Variants in PSMA1 observed in about 807,000 individuals in gnomAD.
PSMA1 encodes proteasome 20S subunit alpha 1, also known as proteasome subunit alpha type-1.
PSMA1 carries 3 observed loss-of-function variants against 38.4 expected under a neutral mutation model. The observed-to-expected ratio is 0.08, with a 90% confidence interval of 0.04 to 0.20. PSMA1 has a LOEUF of 0.20. Among genes scored for constraint, PSMA1 ranks in the 10% least tolerant of loss-of-function variants. PSMA1 has a pLI of 1.00. For synonymous variants in PSMA1, 101 were observed against 107.1 expected, an observed-to-expected ratio of 0.94 and a Z score of 0.35; for missense variants, 227 against 325.3, an observed-to-expected ratio of 0.70 and a Z score of 2.32.
intron 2 of PSMA1, among the ~76,000 whole-genome samples, chr11:14,595,956 T>C (rs915983371): frequency 6.6e-5 from 10 of 152,142 alleles, no homozygotes; most frequent in Admixed American, 1.3e-4. Context: ...CAGCTTTCTA[T>C]ATATGGCTAG....
chr11:14,565,013 A>C (rs572469508), intron 2 of PSMA1, among the ~76,000 whole-genome samples: 1 of 152,244 alleles, frequency 6.6e-6, no homozygotes, highest in South Asian at 2.1e-4. Context: ...TCCTGGGCTC[A>C]AGTAATCCTC....
chr11:14,617,873 A>G (rs969028765), intron 1 of PSMA1, among the ~76,000 whole-genome samples: 3 of 152,142 alleles, frequency 2.0e-5, no homozygotes, highest in African/African-American at 7.2e-5. Context: ...TTCCTTGCCT[A>G]GGAGAGAGAA....
intron 2 of PSMA1, among the ~76,000 whole-genome samples, chr11:14,601,692 T>C (rs1852582287): frequency 6.6e-6 from 1 of 152,120 alleles, no homozygotes; most frequent in Non-Finnish European, 1.5e-5. Flanking sequence ...ATAGATGCCT[T>C]AAGAAGCAAA....
rs1435506179 is a variant in PSMA1 at position 14,517,903 on chromosome 11, G to C, written c.127C>G (p.His43Asp). ...SATVGLKSKT[H>D]AVLVALKRAQ... is the part of the protein sequence containing the mutation. ...ACTTTCAATGCAACCAAAACTGCAT[G>C]AGTTTTTGATTTCAGACCAACTGTG... is the stretch of plus-strand genomic sequence containing the variant. The change falls in exon 3 of 10, where the codon CAT becomes GAT. Residue 43 changes from histidine to aspartate, a missense_variant. Transcript: ENST00000396394. 4.4e-6 allele frequency: 7 copies of C among 1,607,096 alleles called. No homozygotes were observed. The Admixed American group carries it at 6.8e-5, about 16-fold the overall frequency.
Position 14,591,123 on chromosome 11 carries a change from G to A in PSMA1, c.21+19843C>T, listed in dbSNP as rs770680064. Among the ~76,000 whole-genome samples, 23 of 152,346 alleles carry A rather than the reference G, an allele frequency of 1.5e-4. No homozygotes were observed. The Middle Eastern group carries it at 0.01, about 68-fold the overall frequency. The stretch of plus-strand genomic sequence containing the variant: ...GCTTGCGGGCCAGCTGGAGTTCCAG[G>A]TGGGCATGGGCTTGGTGGGCCTGCA... On this transcript the variant is annotated intron_variant, in intron 2 of 10. Transcript: ENST00000418988.
At chr11:14,626,528 G>A (rs1852914076) in intron 1 of PSMA1, among the ~76,000 whole-genome samples, 1 of 152,100 alleles carries the variant, frequency 6.6e-6, no homozygotes, top group African/African-American at 2.4e-5. Flanking sequence ...CATACTTCAT[G>A]ATGTGTGTGC....
Position 14,505,116 on chromosome 11 carries a change from T to G in PSMA1, c.*76A>C, listed in dbSNP as rs538669372. On this transcript the variant is annotated 3_prime_UTR_variant, in exon 10 of 10. Transcript: ENST00000396394. ...CCACTCTGCAACTTTTGGTTCAAAG[T>G]ATAGATTATTGTCATCAGTATGTGG... 1.9e-3 allele frequency: 2,619 copies of G among 1,355,068 alleles called. 4 individuals carry two copies. The highest frequency in any genetic ancestry group is 2.5e-3 in the Non-Finnish European group (2,330 of 946,534). The allele number at this position is 1,355,068 out of a possible 1,614,324, so 83.9% of individuals were successfully genotyped here.
At chr11:14,625,292 T>C (rs1852897359) in intron 1 of PSMA1, among the ~76,000 whole-genome samples, 1 of 152,072 alleles carries the variant, frequency 6.6e-6, no homozygotes, top group Non-Finnish European at 1.5e-5. Flanking sequence ...CTACCAAAAA[T>C]ACAAAATTAG....
At chr11:14,583,018 C>T (rs1006682433) in intron 2 of PSMA1, among the ~76,000 whole-genome samples, 1 of 152,182 alleles carries the variant, frequency 6.6e-6, no homozygotes, top group Non-Finnish European at 1.5e-5. Context: ...TTTAACAGCT[C>T]TGCGCTCACG....
At chr11:14,585,151 C>T (rs1852330814) in intron 2 of PSMA1, among the ~76,000 whole-genome samples, 1 of 152,168 alleles carries the variant, frequency 6.6e-6, no homozygotes, top group Non-Finnish European at 1.5e-5. Flanking sequence ...CCAAGCCTGA[C>T]ACTAGGCTCG....
chr11:14,609,784 T>C (rs1417288981), intron 2 of PSMA1, among the ~76,000 whole-genome samples: 3 of 152,146 alleles, frequency 2.0e-5, no homozygotes, highest in Non-Finnish European at 4.4e-5. Flanking sequence ...GGGCAGACCA[T>C]GTAGTGTTCA....
intron 2 of PSMA1, among the ~76,000 whole-genome samples, chr11:14,554,395 A>G (rs538648619): frequency 6.6e-6 from 1 of 152,328 alleles, no homozygotes; most frequent in South Asian, 2.1e-4. Context: ...CATTGCCCTA[A>G]GTCCTGAAGG....
chr11:14,626,358 A>G (rs1852911771), intron 1 of PSMA1, among the ~76,000 whole-genome samples: 1 of 152,214 alleles, frequency 6.6e-6, no homozygotes, highest in Admixed American at 6.5e-5. Context: ...GAACATTAGG[A>G]ATCTTGTACC....
At chr11:14,520,423 G>A, upstream of PSMA1, 1 of 1,609,616 alleles carries the variant, frequency 6.2e-7, no homozygotes, top group Non-Finnish European at 8.5e-7. Context: ...GCGCAGGGTA[G>A]CGCAGTCTAT....
intron 2 of PSMA1, among the ~76,000 whole-genome samples, chr11:14,527,738 T>C (rs1782174222): frequency 1.3e-5 from 2 of 152,174 alleles, no homozygotes; most frequent in Admixed American, 6.5e-5. Flanking sequence ...ATTTCATCCC[T>C]TCTGTCAGAC....
chr11:14,561,358 A>T (rs749679146), intron 2 of PSMA1, among the ~76,000 whole-genome samples: 3 of 152,120 alleles, frequency 2.0e-5, no homozygotes, highest in Non-Finnish European at 4.4e-5. Context: ...ACATCTCCAC[A>T]TAGTTGCCTG....
chr11:14,505,210 A>G lies in PSMA1; in HGVS notation c.774T>C (p.Asp258=). Residue 258 remains aspartate, a synonymous_variant, in exon 10 of 10, where the codon GAT becomes GAC. Coordinates refer to ENST00000396394, the MANE Select transcript of PSMA1 (RefSeq NM_002786.4). ...QPADEPAEKA[D]EPMEH ...TTATCACTTAATGTTCCATTGGTTC[A>G]TCAGCCTTTTCTGCAGGTTCATCAG... 6.2e-7 allele frequency: 1 copy of G among 1,613,784 alleles called. No individual in the cohort carries two copies. The highest frequency in any genetic ancestry group is 8.5e-7 in the Non-Finnish European group (1 of 1,179,752).
intron 1 of PSMA1, among the ~76,000 whole-genome samples, chr11:14,626,915 A>T (rs1304901180): frequency 6.6e-6 from 1 of 152,202 alleles, no homozygotes; most frequent in Non-Finnish European, 1.5e-5. Context: ...CTTAAACAAC[A>T]GAACTTTATT....
intron 2 of PSMA1, among the ~76,000 whole-genome samples, chr11:14,563,972 T>C (rs1277427521): frequency 1.3e-5 from 2 of 152,342 alleles, no homozygotes; most frequent in East Asian, 3.9e-4. Context: ...GGGAGAAAGA[T>C]TTTTAATTAA....
Sources: gnomAD v4.1 joint callset for allele counts (sites outside exome capture counted in the v4.1 genomes callset) on GRCh38, gnomAD v4.1.1 for gene constraint, MANE v1.5 for transcripts, NCBI Gene and HGNC (gene_info 2026-07-23, HGNC 2026-07-21) for gene names.